Variants in SPART observed in about 807,000 individuals in gnomAD.
The protein encoded by SPART is spastic paraplegia 20 (Troyer syndrome).
SPART carries 35 observed loss-of-function variants against 58.7 expected under a neutral mutation model. That is an observed-to-expected ratio of 0.60 (90% CI 0.46 to 0.79). The LOEUF is 0.79. Among genes scored for constraint, SPART ranks in the 30% least tolerant of loss-of-function variants. The pLI is 0.00. For missense variants in SPART, 730 were observed against 786.1 expected, an observed-to-expected ratio of 0.93 and a Z score of 0.85; for synonymous variants, 284 against 280.7, an observed-to-expected ratio of 1.01 and a Z score of -0.12.
At chr13:36,357,809 G>A (rs910552651) in intron 1 of SPART, among the ~76,000 whole-genome samples, 5 of 152,272 alleles carry the variant, frequency 3.3e-5, no homozygotes, top group Non-Finnish European at 5.9e-5. Context: ...GGGCAGCCAG[G>A]AAGAAAAATG....
chr13:36,330,559 G>C (rs979569173), intron 3 of SPART, among the ~76,000 whole-genome samples: 1 of 152,094 alleles, frequency 6.6e-6, no homozygotes, highest in African/African-American at 2.4e-5. Context: ...GATTGAAGGA[G>C]AGAATAAAAG....
intron 4 of SPART, among the ~76,000 whole-genome samples, chr13:36,328,207 A>G (rs564314899): frequency 8.5e-5 from 13 of 152,220 alleles, no homozygotes; most frequent in Non-Finnish European, 1.8e-4. Context: ...AAGATGTTCA[A>G]CATAAACCAC....
At chr13:36,317,431 C>G (rs973520757) in intron 5 of SPART, among the ~76,000 whole-genome samples, 2 of 151,888 alleles carry the variant, frequency 1.3e-5, no homozygotes, top group Middle Eastern at 3.2e-3. Context: ...GCCCCAACCT[C>G]TTATATCTCT....
intron 3 of SPART, among the ~76,000 whole-genome samples, chr13:36,330,943 CAT>C (rs1237296307): frequency 6.6e-6 from 1 of 152,186 alleles, no homozygotes; most frequent in Non-Finnish European, 1.5e-5. Context: ...AAATTATCTT[CAT>C]GTCACCATTT....
In SPART at chr13:36,301,711, G is replaced by A. The variant is rs957879351; in HGVS notation, c.*2654C>T. ...CATTGCAAAGGGAAGTAATACTCAA[G>A]AGAATATCATCATTTTGGAAAATAC... On this transcript the variant is annotated 3_prime_UTR_variant, in exon 9 of 9. Coordinates refer to ENST00000438666, the MANE Select transcript of SPART (RefSeq NM_015087.5). 6.6e-6 allele frequency: 1 copy of A among 152,164 alleles called. No homozygotes were observed. The allele number at this position is 152,164 out of a possible 1,614,324, so 9.4% of individuals were successfully genotyped here. A position where few individuals can be genotyped will look rare whatever the true frequency, so the allele number is the denominator to read the frequency against.
At chr13:36,342,999 C>A (rs755519279) in intron 1 of SPART, among the ~76,000 whole-genome samples, 3 of 152,178 alleles carry the variant, frequency 2.0e-5, no homozygotes, top group Non-Finnish European at 2.9e-5. Context: ...AGCCTCCCTA[C>A]CAACAAACAA....
chr13:36,342,894 C>T (rs1484083768), intron 1 of SPART, among the ~76,000 whole-genome samples: 1 of 152,132 alleles, frequency 6.6e-6, no homozygotes, highest in South Asian at 2.1e-4. Flanking sequence ...ATTTTTATTC[C>T]CCAAGATCCT....
At chr13:36,316,801 C>T (rs1020118540) in intron 5 of SPART, among the ~76,000 whole-genome samples, 1 of 152,154 alleles carries the variant, frequency 6.6e-6, no homozygotes, top group Admixed American at 6.5e-5. Flanking sequence ...ATCAGGGGAC[C>T]TCCCTTAGGA....
In SPART at chr13:36,312,081, C is replaced by G; in HGVS notation, c.1733+64G>C. The G allele has an allele frequency of 4.0e-6, 6 of 1,499,328 alleles. No homozygotes were observed. The South Asian group carries it at 6.8e-5, about 17-fold the overall frequency. 92.9% of individuals were successfully genotyped at this position (1,499,328 alleles called of 1,614,324 possible). On this transcript the variant is annotated intron_variant, in intron 8 of 8. Coordinates refer to ENST00000438666, the MANE Select transcript of SPART (RefSeq NM_015087.5). ...CAGCTTGGGCAACAAGAGAAACTCC[C>G]TCTCAGAAAAACAACAACAACAACA...
At chr13:36,349,585 C>T (rs532664158), upstream of SPART, among the ~76,000 whole-genome samples, 4 of 152,308 alleles carry the variant, frequency 2.6e-5, no homozygotes, top group Admixed American at 2.6e-4. Context: ...TGGTTTGCTC[C>T]TCAGTACCTG....
In SPART at chr13:36,335,093, C is replaced by T; in HGVS notation, c.738G>A (p.Gly246=). Residue 246 remains glycine (G), a synonymous_variant, in exon 2 of 9, where the codon GGG becomes GGA. Coordinates refer to ENST00000438666, the MANE Select transcript of SPART (RefSeq NM_015087.5). ...AGEVSAPSYP[G]YLRIVRFLDN... ...CCAAAAACCTCACAATTCGAAGGTACCCAGGATACGAAGGTGCACTAACCT... is the reference window on the plus strand; with the variant it reads ...CCAAAAACCTCACAATTCGAAGGTATCCAGGATACGAAGGTGCACTAACCT... 1 of 1,614,088 alleles carries T rather than the reference C, an allele frequency of 6.2e-7. No homozygotes were observed. The highest frequency in any genetic ancestry group is 1.1e-5 in the South Asian group (1 of 91,072).
intron 1 of SPART, among the ~76,000 whole-genome samples, chr13:36,366,132 G>A (rs1041138): frequency 6.6e-6 from 1 of 152,096 alleles, no homozygotes; most frequent in African/African-American, 2.4e-5. Flanking sequence ...ATCTAAATAC[G>A]TTAGAAAGGA....
At chr13:36,320,067 T>TAA (rs1882214161) in intron 5 of SPART, among the ~76,000 whole-genome samples, 1 of 152,206 alleles carries the variant, frequency 6.6e-6, no homozygotes, top group Non-Finnish European at 1.5e-5. Context: ...CTTACTGTTT[T>TAA]AGCCTAGCCC....
In SPART at chr13:36,356,730, T is replaced by C. The variant is rs549384397; in HGVS notation, c.-3+13359A>G. Among the ~76,000 whole-genome samples the C allele has an allele frequency of 2.6e-5, 4 of 152,346 alleles. No individual in the cohort carries two copies. The East Asian group carries it at 5.8e-4, about 22-fold the overall frequency. ...ACCTTGGGCACATGTTCTCAGGACC[T>C]CCTGAAGGCTGTGTCACAGACCACG... On this transcript the variant is annotated intron_variant, in intron 1 of 8. Transcript: ENST00000355182.
chr13:36,319,395 A>C (rs1474052608), intron 5 of SPART, among the ~76,000 whole-genome samples: 1 of 148,648 alleles, frequency 6.7e-6, no homozygotes, highest in Non-Finnish European at 1.5e-5. Context: ...TTACCATCTC[A>C]TTAAAACCTA....
intron 5 of SPART, 95 bp downstream of exon 5, chr13:36,326,480 A>G: frequency 1.3e-6 from 2 of 1,493,878 alleles, no homozygotes; most frequent in Non-Finnish European, 1.8e-6. Context: ...AATACAAAAT[A>G]TTATCTTTCT....
chr13:36,335,501 C>T lies in SPART; in HGVS notation c.330G>A (p.Val110=), dbSNP rs754601970. Residue 110 remains valine, a synonymous_variant, in exon 2 of 9, where the codon GTG becomes GTA. Transcript: ENST00000438666. The part of the protein sequence containing the change: ...ATSLQNDLQE[V]PKLYPEFPPK... ...GTGGAAATTCTGGATATAACTTGGGCACCTCCTGAAGATCATTCTGCAGAG... is the reference window on the plus strand; with the variant it reads ...GTGGAAATTCTGGATATAACTTGGGTACCTCCTGAAGATCATTCTGCAGAG... 3.7e-6 allele frequency: 6 copies of T among 1,614,148 alleles called. No individual in the cohort carries two copies. The highest frequency in any genetic ancestry group is 4.2e-6 in the Non-Finnish European group (5 of 1,180,038).
At chr13:36,332,327 A>G (rs1167948792) in intron 2 of SPART, among the ~76,000 whole-genome samples, 1 of 152,100 alleles carries the variant, frequency 6.6e-6, no homozygotes, top group Non-Finnish European at 1.5e-5. Context: ...TGAAACCCCC[A>G]TCTCTACTAA....
At chr13:36,319,330 A>ATCCC (rs1882107669) in intron 5 of SPART, among the ~76,000 whole-genome samples, 11 of 140,856 alleles carry the variant, frequency 7.8e-5, no homozygotes, top group Middle Eastern at 3.4e-3. Flanking sequence ...CCCCCACCTT[A>ATCCC]ACCCACAAGT....
Sources: allele counts gnomAD v4.1 joint callset (sites outside exome capture counted in the v4.1 genomes callset), GRCh38; gene constraint gnomAD v4.1.1; transcripts MANE v1.5; gene names NCBI Gene and HGNC (gene_info 2026-07-23, HGNC 2026-07-21).